The following IRF2 variants were observed in gnomAD, a reference collection of about 807,000 sequenced individuals.
The protein encoded by IRF2 is interferon regulatory factor 2.
Under a neutral mutation model 40.6 loss-of-function variants are expected in IRF2, and 15 were observed. That is an observed-to-expected ratio of 0.37 (90% CI 0.25 to 0.57). The LOEUF (loss-of-function observed/expected upper bound fraction) is 0.57, where lower values mean the gene tolerates loss of function less well. IRF2 is among the 20% of genes least tolerant of loss of function. The pLI is 0.77. For synonymous variants in IRF2, 151 were observed against 165.5 expected, an observed-to-expected ratio of 0.91 and a Z score of 0.67; for missense variants, 317 against 455.7, an observed-to-expected ratio of 0.70 and a Z score of 2.77.
At position 184,448,281 on chromosome 4, in the gene IRF2, C is replaced by A. The variant is rs1014656074; in HGVS notation, c.-6-19211G>T. ...TGTGGTGCTTAAATGAAGCTGCTGGCGGTTTATTCGTCCTCCGTGCACCAG... is the reference window on the plus strand; with the variant it reads ...TGTGGTGCTTAAATGAAGCTGCTGGAGGTTTATTCGTCCTCCGTGCACCAG... On this transcript the variant is annotated intron_variant, in intron 1 of 8. Coordinates refer to ENST00000393593, the MANE Select transcript of IRF2 (RefSeq NM_002199.4). This position sits in a 1 kb window ranked among gnomAD's most constrained non-coding sequence, Gnocchi z 4.3. 6.6e-6 allele frequency among the ~76,000 whole-genome samples: 1 copy of A among 152,168 alleles called. No individual in the cohort carries two copies. Among genetic ancestry groups the A allele is most frequent in the Non-Finnish European group, 1.5e-5 (1 of 68,028 alleles).
At chr4:184,412,123 T>C (rs1737100168) in intron 5 of IRF2, among the ~76,000 whole-genome samples, 1 of 152,010 alleles carries the variant, frequency 6.6e-6, no homozygotes. Context: ...ATCCAAGGAT[T>C]GATCTACGTG....
intron 8 of IRF2, among the ~76,000 whole-genome samples, 174 bp from the exon 9 acceptor site, chr4:184,389,240 C>T (rs962527602): frequency 4.6e-5 from 7 of 152,010 alleles, no homozygotes; most frequent in African/African-American, 9.7e-5. Context: ...GGCAATGTAG[C>T]GAGTCCTCAT....
chr4:184,450,120 C>T (rs1447307842), intron 1 of IRF2, among the ~76,000 whole-genome samples: 1 of 152,184 alleles, frequency 6.6e-6, no homozygotes, highest in African/African-American at 2.4e-5. Context: ...CAAAACACCC[C>T]GGAAAGTAAT....
At chr4:184,414,586 G>T (rs1737194736) in intron 5 of IRF2, among the ~76,000 whole-genome samples, 2 of 152,246 alleles carry the variant, frequency 1.3e-5, no homozygotes, top group African/African-American at 4.8e-5. Context: ...ATGGCTGACT[G>T]AGTTTGTAGG....
At chr4:184,443,832 G>A (rs920659570) in intron 1 of IRF2, among the ~76,000 whole-genome samples, 4 of 152,196 alleles carry the variant, frequency 2.6e-5, no homozygotes, top group Admixed American at 1.3e-4. Context: ...TCCCTAGCCA[G>A]TGTAAGCTCA....
At position 184,408,503 on chromosome 4, in the gene IRF2, AC is replaced by A. The variant is rs1336313309; in HGVS notation, c.412-229del. Reference sequence around the variant, plus strand: ...TTCCATTTTCCTTCAAGGAAACGGTACCGGCCCATCTGGCTTGCCTTTAGGA... The same window carrying A: ...TTCCATTTTCCTTCAAGGAAACGGTACGGCCCATCTGGCTTGCCTTTAGGA... On this transcript the variant is annotated intron_variant, in intron 5 of 8. Coordinates refer to ENST00000393593, the MANE Select transcript of IRF2 (RefSeq NM_002199.4). The surrounding 1 kb of genome is among the most constrained non-coding windows in gnomAD (Gnocchi z 4.9). Among the ~76,000 whole-genome samples the A allele has an allele frequency of 2.6e-5, 4 of 152,210 alleles. No individual in the cohort carries two copies. The highest frequency in any genetic ancestry group is 4.8e-5 in the African/African-American group (2 of 41,450).
intron 1 of IRF2, chr4:184,473,873 C>A (rs1382726404): frequency 6.6e-6 from 1 of 152,026 alleles, no homozygotes; most frequent in Non-Finnish European, 1.5e-5. Flanking sequence ...CCTTCGGATC[C>A]GGTGGCGGCG....
rs141302630 is a variant in IRF2, at chr4:184,398,443, C to T, written c.694+472G>A. 3.9e-3 allele frequency among the ~76,000 whole-genome samples: 598 copies of T among 152,092 alleles called. 6 individuals carry two copies. Among genetic ancestry groups the T allele is most frequent in the African/African-American group, 0.013 (559 of 41,488 alleles). The stretch of plus-strand genomic sequence containing the variant: ...AGGCCAAGGTGGGCGGATCACCTGA[C>T]GTCAGGAGCTCGAGACCAGCCTGGC... On this transcript the variant is annotated intron_variant, in intron 7 of 8. Coordinates refer to ENST00000393593, the MANE Select transcript of IRF2 (RefSeq NM_002199.4).
chr4:184,468,475 G>A (rs949687633), intron 1 of IRF2, among the ~76,000 whole-genome samples: 2 of 147,756 alleles, frequency 1.4e-5, no homozygotes, highest in South Asian at 2.2e-4. Flanking sequence ...AGACAAGATC[G>A]AGACTCTTTC....
Position 184,418,544 on chromosome 4 carries a change from G to A in IRF2, c.352C>T (p.Pro118Ser). 2.5e-6 allele frequency: 4 copies of A among 1,614,062 alleles called. No individual in the cohort carries two copies. Among genetic ancestry groups the A allele is most frequent in the Non-Finnish European group, 2.5e-6 (3 of 1,179,954 alleles). Residue 118 changes from proline (P) to serine (S), a missense_variant, in exon 4 of 9, where the codon CCT (proline) becomes TCT (serine). This residue lies in a region of IRF2 where 262 missense variants were observed against 334.0 expected (regional missense o/e 0.78). Transcript: ENST00000393593. Reference protein sequence around the residue: ...VYRMLPLSERPSKKGKKPKTE... With the variant: ...VYRMLPLSERSSKKGKKPKTE... ...TAAATGCCTTTACCTTTCTTAGAAG[G>A]CCGTTCTGATAGGGGCAGCATTCGG...
intron 7 of IRF2, among the ~76,000 whole-genome samples, chr4:184,392,504 C>A (rs1199155421): frequency 1.3e-5 from 2 of 152,200 alleles, no homozygotes; most frequent in Admixed American, 6.5e-5. Context: ...CTGCTCTCAT[C>A]CCCCGTTACG....
At chr4:184,446,229 T>C (rs1437336348) in intron 1 of IRF2, among the ~76,000 whole-genome samples, 1 of 152,172 alleles carries the variant, frequency 6.6e-6, no homozygotes, top group African/African-American at 2.4e-5. Context: ...CTTCCCAGTT[T>C]GCGGTAATTT....
Position 184,472,744 on chromosome 4 carries a change from C to T in IRF2, c.-7+1635G>A, listed in dbSNP as rs1002324864. The T allele has an allele frequency of 2.6e-5, 4 of 152,358 alleles. No individual in the cohort carries two copies. The East Asian group carries it at 5.8e-4, about 22-fold the overall frequency. The allele number at this position is 152,358 out of a possible 1,614,324, so 9.4% of individuals were successfully genotyped here. ...GGTCAGAAACGAGCGAAAGCCACCT[C>T]GCTCTTCTGAGCTACCTCGGCCGCC... On this transcript the variant is annotated intron_variant, in intron 1 of 8. Coordinates refer to ENST00000393593, the MANE Select transcript of IRF2 (RefSeq NM_002199.4).
chr4:184,418,105 C>T, intron 5 of IRF2, 62 bp downstream of exon 5: 1 of 1,239,412 alleles, frequency 8.1e-7, no homozygotes. Flanking sequence ...CTTTACAAGG[C>T]AGAATATGAG....
At chr4:184,402,750 T>C (rs1038642774) in intron 6 of IRF2, among the ~76,000 whole-genome samples, 1 of 152,044 alleles carries the variant, frequency 6.6e-6, no homozygotes, top group Non-Finnish European at 1.5e-5. Context: ...CTTGAAACCT[T>C]TGGGAAGTGA....
intron 2 of IRF2, among the ~76,000 whole-genome samples, chr4:184,428,375 G>A (rs548429178): frequency 6.6e-6 from 1 of 152,178 alleles, no homozygotes; most frequent in South Asian, 2.1e-4. Flanking sequence ...AAGGAAGAGG[G>A]TAAGAATCCT....
At chr4:184,440,351 G>A (rs1051346149) in intron 1 of IRF2, among the ~76,000 whole-genome samples, 4 of 152,310 alleles carry the variant, frequency 2.6e-5, no homozygotes, top group East Asian at 3.9e-4. Context: ...TCCACACAGC[G>A]GAGGCCTATA....
chr4:184,412,694 G>T (rs11938605), intron 5 of IRF2, among the ~76,000 whole-genome samples: 7 of 152,070 alleles, frequency 4.6e-5, no homozygotes, highest in Admixed American at 2.6e-4. Context: ...CCTCCTGCCC[G>T]GTCCCAGAAC....
At chr4:184,437,398 C>T (rs1480386272) in intron 1 of IRF2, among the ~76,000 whole-genome samples, 1 of 152,036 alleles carries the variant, frequency 6.6e-6, no homozygotes, top group Non-Finnish European at 1.5e-5. Context: ...GTTTCACTAC[C>T]TATGTTGCCC....
Sources: allele counts gnomAD v4.1 joint callset (sites outside exome capture counted in the v4.1 genomes callset), GRCh38; gene constraint gnomAD v4.1.1; regional missense constraint gnomAD v4.1.1; non-coding constraint Gnocchi (gnomAD v3.1); transcripts MANE v1.5; gene names NCBI Gene and HGNC (gene_info 2026-07-23, HGNC 2026-07-21).